The following CIAO1 variants were observed in gnomAD, a reference collection of about 807,000 sequenced individuals.
The protein encoded by CIAO1 is cytosolic iron-sulfur assembly component 1.
Under a neutral mutation model 43.1 loss-of-function variants are expected in CIAO1, and 32 were observed. The ratio of observed to expected loss-of-function variants is 0.74; its 90% CI spans 0.56 to 1.00. The LOEUF (loss-of-function observed/expected upper bound fraction) is 1.00, where lower values mean the gene tolerates loss of function less well. Among genes scored for constraint, CIAO1 ranks in the 50% least tolerant of loss-of-function variants. CIAO1 has a pLI of 0.00. For missense variants in CIAO1, 415 were observed against 437.4 expected (o/e 0.95, Z 0.46); for synonymous variants, 183 against 171.4 (o/e 1.07, Z -0.53).
At chr2:96,266,748 G>T (rs1351635971) in intron 1 of CIAO1, among the ~76,000 whole-genome samples, 1 of 152,208 alleles carries the variant, frequency 6.6e-6, no homozygotes, top group African/African-American at 2.4e-5. Context: ...TTAGGAAAGT[G>T]GCCTTCAGAG....
chr2:96,272,152 G>C lies in CIAO1; in HGVS notation c.*801G>C, dbSNP rs1233326662. The C allele has an allele frequency of 1.3e-5, 2 of 152,188 alleles. No homozygotes were observed. Among genetic ancestry groups the C allele is most frequent in the Non-Finnish European group, 2.9e-5 (2 of 68,030 alleles). The allele number at this position is 152,188 out of a possible 1,614,324, so 9.4% of individuals were successfully genotyped here. ...ATGGCAGGGAGTGATCAGGAAGAAG[G>C]CTTCCTAGGGGACTGGCGATTTAAA... On this transcript the variant is annotated 3_prime_UTR_variant, in exon 7 of 7. Transcript: ENST00000488633.
Position 96,266,264 on chromosome 2 carries a change from G to A in CIAO1, c.-87G>A. ...CCTCTGTCGGCCGCGGAAGCCTGGA[G>A]TGGGCGGTACGCAGACGCGCGCGGT... On this transcript the variant is annotated 5_prime_UTR_variant, in exon 1 of 7. In the 5' UTR this introduces an upstream ATG that the reference lacks. Coordinates refer to ENST00000488633, the MANE Select transcript of CIAO1 (RefSeq NM_004804.3). The A allele has an allele frequency of 7.9e-7, 1 of 1,264,912 alleles. No individual in the cohort carries two copies. The highest frequency in any genetic ancestry group is 1.0e-6 in the Non-Finnish European group (1 of 996,696). The allele number at this position is 1,264,912 out of a possible 1,614,324, so 78.4% of individuals were successfully genotyped here.
rs1227960245 is a variant in CIAO1 at position 96,267,724 on chromosome 2, TG to T, written c.391del (p.Val131SerfsTer35). 6.2e-7 allele frequency: 1 copy of T among 1,614,194 alleles called. No individual in the cohort carries two copies. The highest frequency in any genetic ancestry group is 2.2e-5 in the East Asian group (1 of 44,890). On this transcript the variant is annotated frameshift_variant, in exon 3 of 7. Transcript: ENST00000488633. LOFTEE classifies it high-confidence loss of function. ...LATCSRDKSVWVWEVDEEDEY... is the reference protein window; with the variant it reads ...LATCSRDKSVXVWEVDEEDEY... ...CACTTGCAGCCGAGATAAGAGCGTT[TG>T]GGTCTGGGAAGGTGAGGCCAGGTCC...
At position 96,266,226 on chromosome 2, in the gene CIAO1, G is replaced by A. The variant is rs1432817801; in HGVS notation, c.-125G>A. On this transcript the variant is annotated 5_prime_UTR_variant, in exon 1 of 7. Coordinates refer to ENST00000488633, the MANE Select transcript of CIAO1 (RefSeq NM_004804.3). ...TTTCCGGGGCGACCCAGGTCCTCCG[G>A]CGGAAGCGGGAGCCTCTGTCGGCCG... The A allele has an allele frequency of 8.8e-7, 1 of 1,140,652 alleles. No individual in the cohort carries two copies. The highest frequency in any genetic ancestry group is 1.1e-6 in the Non-Finnish European group (1 of 888,706). The allele number at this position is 1,140,652 out of a possible 1,614,324, so 70.7% of individuals were successfully genotyped here. A position where few individuals can be genotyped will look rare whatever the true frequency, so the allele number is the denominator to read the frequency against.
At position 96,266,523 on chromosome 2, in the gene CIAO1, C is replaced by A; in HGVS notation, c.139+34C>A. ...CAGCCTGGTTGCGCGGCCCTCAGCG[C>A]TGAGGGCTCAGCCTGCGCGTAGTGC... is the stretch of plus-strand genomic sequence containing the variant. On this transcript the variant is annotated intron_variant, in intron 1 of 6. Coordinates refer to ENST00000488633, the MANE Select transcript of CIAO1 (RefSeq NM_004804.3). 3 of 1,416,100 alleles carry A rather than the reference C, an allele frequency of 2.1e-6. No individual in the cohort carries two copies. In the South Asian group the frequency reaches 4.5e-5, roughly 21 times the overall value. 87.7% of individuals were successfully genotyped at this position (1,416,100 alleles called of 1,614,324 possible). A position where few individuals can be genotyped will look rare whatever the true frequency, so the allele number is the denominator to read the frequency against.
intron 5 of CIAO1, chr2:96,269,053 A>T (rs76009821): frequency 0.016 from 9,786 of 603,126 alleles, 116 homozygotes; most frequent in South Asian, 0.025. Flanking sequence ...AGTTACATAC[A>T]GTCTGCAACA....
At position 96,273,553 on chromosome 2, in the gene CIAO1, C is replaced by G. The variant is rs1341068832; in HGVS notation, c.*2202C>G. Among the ~76,000 whole-genome samples, 1 of 151,290 alleles carries G rather than the reference C, an allele frequency of 6.6e-6. No homozygotes were observed. The highest frequency in any genetic ancestry group is 1.5e-5 in the Non-Finnish European group (1 of 67,954). ...GGCAGATCCCTTGTAGTCCCAGCTA[C>G]TCGGGAGGCTGAGGCAGGAGAATAG... On this transcript the variant is annotated 3_prime_UTR_variant, in exon 7 of 7. Transcript: ENST00000488633.
chr2:96,271,176 A>T lies in CIAO1; in HGVS notation c.845A>T (p.Asp282Val). ...GACGCGATCCGCGTGTTTCAGGAGG[A>T]TCCCAACTCGGATCCACAGCAGCCC... ...GDDAIRVFQE[D>V]PNSDPQQPTF... The change falls in exon 7 of 7, where the codon GAT (aspartate) becomes GTT (valine). Residue 282 changes from aspartate to valine, a missense_variant. Coordinates refer to ENST00000488633, the MANE Select transcript of CIAO1 (RefSeq NM_004804.3). The T allele has an allele frequency of 6.2e-7, 1 of 1,614,160 alleles. No individual in the cohort carries two copies.
chr2:96,267,817 C>G lies in CIAO1; in HGVS notation c.401-19C>G. The G allele has an allele frequency of 6.2e-7, 1 of 1,613,484 alleles. No homozygotes were observed. Reference sequence around the variant, plus strand: ...CCCTGACAGGGTCGGCTCTTGGGTCCCCTTTTTCTCTCCCACAGTTGATGA... The same window carrying G: ...CCCTGACAGGGTCGGCTCTTGGGTCGCCTTTTTCTCTCCCACAGTTGATGA... On this transcript the variant is annotated intron_variant, in intron 3 of 6. Coordinates refer to ENST00000488633, the MANE Select transcript of CIAO1 (RefSeq NM_004804.3).
chr2:96,270,974 ATTAG>A (rs1201894177), intron 6 of CIAO1, 133 bp from the exon 7 acceptor site: 19 of 1,032,432 alleles, frequency 1.8e-5, no homozygotes, highest in Middle Eastern at 3.0e-4. Context: ...GTGACTCCTT[ATTAG>A]TTAAGGAAAC....
At position 96,273,209 on chromosome 2, in the gene CIAO1, T is replaced by C. The variant is rs191955493; in HGVS notation, c.*1858T>C. ...ATGAAATGCATTTCATTTGGAAGAA[T>C]TCAATGAACCATTTTTCCAAGTGAC... On this transcript the variant is annotated 3_prime_UTR_variant, in exon 7 of 7. Transcript: ENST00000488633. 1.3e-4 allele frequency: 20 copies of C among 152,292 alleles called. No homozygotes were observed. Among genetic ancestry groups the C allele is most frequent in the Admixed American group, 1.1e-3 (17 of 15,302 alleles). The allele number at this position is 152,292 out of a possible 1,614,324, so 9.4% of individuals were successfully genotyped here. A position where few individuals can be genotyped will look rare whatever the true frequency, so the allele number is the denominator to read the frequency against.
rs573463456 is a variant in CIAO1 at position 96,267,720 on chromosome 2, C to T, written c.384C>T (p.Ser128=). 252 of 1,614,150 alleles carry T rather than the reference C, an allele frequency of 1.6e-4. 3 individuals are homozygous for T. The South Asian group carries it at 2.6e-3, about 17-fold the overall frequency. ...TGGCCACTTGCAGCCGAGATAAGAG[C>T]GTTTGGGTCTGGGAAGGTGAGGCCA... ...NLLATCSRDK[S]VWVWEVDEED... is the part of the protein sequence containing the mutation. Residue 128 remains serine (S), a synonymous_variant, in exon 3 of 7, where the codon AGC becomes AGT. Transcript: ENST00000488633.
chr2:96,269,340 T>C lies in CIAO1; in HGVS notation c.764T>C (p.Ile255Thr), dbSNP rs1684500597. ...CTLSGFHSRT[I>T]YDIAWCQLTG... ...TTGTCCGGCTTCCACTCAAGGACCA[T>C]TTATGACATTGCTTGGTAAGACTCC... is the stretch of plus-strand genomic sequence containing the variant. The change falls in exon 6 of 7, where the codon ATT (isoleucine) becomes ACT (threonine). Residue 255 changes from isoleucine to threonine, a missense_variant. Transcript: ENST00000488633. The C allele has an allele frequency of 1.2e-6, 2 of 1,613,958 alleles. No homozygotes were observed. Among genetic ancestry groups the C allele is most frequent in the African/African-American group, 2.7e-5 (2 of 74,914 alleles).
Position 96,271,460 on chromosome 2 carries a change from C to A in CIAO1, c.*109C>A. Reference sequence around the variant, plus strand: ...CATCCTTGACCTTCATTTAACTTGGCTCACTTCTCTTCAGACTTGGGTAGA... The same window carrying A: ...CATCCTTGACCTTCATTTAACTTGGATCACTTCTCTTCAGACTTGGGTAGA... On this transcript the variant is annotated 3_prime_UTR_variant, in exon 7 of 7. Coordinates refer to ENST00000488633, the MANE Select transcript of CIAO1 (RefSeq NM_004804.3). 1.5e-6 allele frequency: 2 copies of A among 1,367,890 alleles called. No homozygotes were observed. The highest frequency in any genetic ancestry group is 2.0e-6 in the Non-Finnish European group (2 of 1,012,736). 84.7% of individuals were successfully genotyped at this position (1,367,890 alleles called of 1,614,324 possible). A position where few individuals can be genotyped will look rare whatever the true frequency, so the allele number is the denominator to read the frequency against.
rs771569260 is a variant in CIAO1, at chr2:96,267,939, G to A, written c.489+15G>A. 1 of 1,601,222 alleles carries A rather than the reference G, an allele frequency of 6.2e-7. No homozygotes were observed. The highest frequency in any genetic ancestry group is 8.6e-7 in the Non-Finnish European group (1 of 1,168,466). On this transcript the variant is annotated intron_variant, in intron 4 of 6. Transcript: ENST00000488633. ...CAAGTCAGGAGGTAAGAGTCAAGCAGGGACTCTTGTGGGAAGGGCTCTGGT... is the reference window on the plus strand; with the variant it reads ...CAAGTCAGGAGGTAAGAGTCAAGCAAGGACTCTTGTGGGAAGGGCTCTGGT...
In CIAO1 at chr2:96,267,305, T is replaced by TGC; in HGVS notation, c.140-13_140-12dup. 6.2e-7 allele frequency: 1 copy of TGC among 1,604,982 alleles called. No individual in the cohort carries two copies. The highest frequency in any genetic ancestry group is 1.3e-5 in the African/African-American group (1 of 74,914). ...CTGCACCCAGCTCCAGAGCCTGGCC[T>TGC]GCGCTCCGCCTTTAGGTGACAGCTG... On this transcript the variant is annotated splice_polypyrimidine_tract_variant and intron_variant, in intron 1 of 6. Transcript: ENST00000488633.
chr2:96,271,072 AT>A (rs1684540342), intron 6 of CIAO1, 38 bp from the exon 7 acceptor site: 1 of 1,611,940 alleles, frequency 6.2e-7, no homozygotes, highest in Non-Finnish European at 8.5e-7. Context: ...CTCTGGCCTA[AT>A]TAGTCAGGTA....
At chr2:96,269,148 C>CG in intron 5 of CIAO1, 120 bp from the exon 6 acceptor site, 2 of 818,994 alleles carry the variant, frequency 2.4e-6, no homozygotes, top group Non-Finnish European at 4.2e-6. Context: ...GATGGGGACA[C>CG]GAACGGAGAC....
chr2:96,266,325 C>G lies in CIAO1; in HGVS notation c.-26C>G, dbSNP rs753777793. ...GTCTGCTCAGCGGACTCTGCCCGCCCCCACCTCCCCCTGCGTCGGGCCGAC... is the reference window on the plus strand; with the variant it reads ...GTCTGCTCAGCGGACTCTGCCCGCCGCCACCTCCCCCTGCGTCGGGCCGAC... On this transcript the variant is annotated 5_prime_UTR_variant, in exon 1 of 7. Transcript: ENST00000488633. 7.2e-7 allele frequency: 1 copy of G among 1,380,794 alleles called. No homozygotes were observed. Among genetic ancestry groups the G allele is most frequent in the East Asian group, 3.0e-5 (1 of 33,094 alleles). 85.5% of individuals were successfully genotyped at this position (1,380,794 alleles called of 1,614,324 possible). A position where few individuals can be genotyped will look rare whatever the true frequency, so the allele number is the denominator to read the frequency against.
Sources: allele counts gnomAD v4.1 joint callset (sites outside exome capture counted in the v4.1 genomes callset), GRCh38; gene constraint gnomAD v4.1.1; transcripts MANE v1.5; gene names NCBI Gene and HGNC (gene_info 2026-07-23, HGNC 2026-07-21).